Variants in CMTM4 observed in about 807,000 individuals in gnomAD.
CMTM4 encodes CKLF-like MARVEL transmembrane domain-containing protein 4.
In CMTM4, 8 loss-of-function variants were observed where a neutral mutation model predicts 19.0. That is an observed-to-expected ratio of 0.42 (90% CI 0.25 to 0.76). CMTM4 has a LOEUF of 0.76. Among genes scored for constraint, CMTM4 ranks in the 30% least tolerant of loss-of-function variants. The pLI, the probability that CMTM4 is intolerant of heterozygous loss-of-function variation, is 0.27. For synonymous variants in CMTM4, 106 were observed against 121.1 expected, an observed-to-expected ratio of 0.88 and a Z score of 0.82; for missense variants, 228 against 290.2, an observed-to-expected ratio of 0.79 and a Z score of 1.56.
chr16:66,645,046 G>A lies in CMTM4; in HGVS notation c.187-8465C>T, dbSNP rs138726250. Among the ~76,000 whole-genome samples, 962 of 152,308 alleles carry A rather than the reference G, an allele frequency of 6.3e-3. 6 individuals are homozygous for A. Among genetic ancestry groups the A allele is most frequent in the African/African-American group, 0.02 (841 of 41,558 alleles). On this transcript the variant is annotated intron_variant, in intron 1 of 3. Transcript: ENST00000394106. The stretch of plus-strand genomic sequence containing the variant: ...TGCCTGTAATCCCAGCACTTTGGGA[G>A]GCCAAGGTAGGCGGATCACCTGAGG...
chr16:66,687,138 C>CTTTTTTTTTTTTTTTTTTTT (rs35098269), intron 1 of CMTM4, among the ~76,000 whole-genome samples: 1 of 131,304 alleles, frequency 7.6e-6, no homozygotes, highest in Non-Finnish European at 1.6e-5. Context: ...GTGCAGAATG[C>CTTTTTTTTTTTTTTTTTTTT]TTTTTTTTTT....
At chr16:66,639,966 GGA>G (rs1331452418) in intron 1 of CMTM4, among the ~76,000 whole-genome samples, 4 of 152,088 alleles carry the variant, frequency 2.6e-5, no homozygotes, top group Non-Finnish European at 5.9e-5. Context: ...TGCAGTGAGT[GGA>G]GACTGTGCCA....
intron 1 of CMTM4, among the ~76,000 whole-genome samples, chr16:66,652,175 G>C (rs2016322598): frequency 6.6e-6 from 1 of 152,186 alleles, no homozygotes; most frequent in Admixed American, 6.5e-5. Context: ...AAGAAAAGGA[G>C]AAATGGGGTC....
chr16:66,627,862 C>T (rs1341912920), intron 2 of CMTM4, among the ~76,000 whole-genome samples: 7 of 152,142 alleles, frequency 4.6e-5, no homozygotes, highest in Admixed American at 3.9e-4. Flanking sequence ...ACTCAGCATA[C>T]CAAGGACCTG....
intron 1 of CMTM4, among the ~76,000 whole-genome samples, chr16:66,670,841 C>G (rs1055062073): frequency 1.3e-5 from 2 of 151,750 alleles, no homozygotes; most frequent in Admixed American, 6.6e-5. Context: ...TTTCAAAAAC[C>G]ACTCTGCATC....
chr16:66,690,511 C>T (rs1460849924), intron 1 of CMTM4, among the ~76,000 whole-genome samples: 2 of 152,146 alleles, frequency 1.3e-5, no homozygotes, highest in African/African-American at 4.8e-5. Flanking sequence ...TGTATTACTG[C>T]CCCACCCCTG....
chr16:66,617,740 G>A lies in CMTM4; in HGVS notation c.*4318C>T, dbSNP rs2015552916. The A allele has an allele frequency of 9.8e-7, 1 of 1,020,728 alleles. No homozygotes were observed. The highest frequency in any genetic ancestry group is 1.7e-5 in the African/African-American group (1 of 57,742). The allele number at this position is 1,020,728 out of a possible 1,614,324, so 63.2% of individuals were successfully genotyped here. A position where few individuals can be genotyped will look rare whatever the true frequency, so the allele number is the denominator to read the frequency against. On this transcript the variant is annotated 3_prime_UTR_variant, in exon 4 of 4. Transcript: ENST00000394106. ...CAAAGCTAAAAGCTGAGGGTGTCAG[G>A]CCTGCGTCCTGTCTGAGATGGCAGC...
intron 2 of CMTM4, among the ~76,000 whole-genome samples, chr16:66,630,975 C>A (rs1217455135): frequency 1.3e-5 from 2 of 151,798 alleles, no homozygotes; most frequent in Non-Finnish European, 2.9e-5. Flanking sequence ...TGAGGAGCGT[C>A]TCTGCCCAGC....
At chr16:66,645,493 C>T (rs1337690799) in intron 1 of CMTM4, among the ~76,000 whole-genome samples, 3 of 151,546 alleles carry the variant, frequency 2.0e-5, no homozygotes, top group East Asian at 3.9e-4. Flanking sequence ...CAGAGAACTG[C>T]TTGAACCCGG....
intron 2 of CMTM4, among the ~76,000 whole-genome samples, chr16:66,628,994 GT>G (rs2144794400): frequency 6.6e-6 from 1 of 152,126 alleles, no homozygotes; most frequent in South Asian, 2.1e-4. Context: ...TTATCTTCTA[GT>G]TTTTGGGGTT....
At position 66,633,145 on chromosome 16, in the gene CMTM4, A is replaced by C. The variant is rs1369029913; in HGVS notation, c.363+3260T>G. 2.1e-5 allele frequency among the ~76,000 whole-genome samples: 3 copies of C among 145,988 alleles called. No individual in the cohort carries two copies. In the East Asian group the frequency reaches 5.8e-4, roughly 28 times the overall value. On this transcript the variant is annotated intron_variant, in intron 2 of 3. Transcript: ENST00000394106. ...TATATATATATAAATATATATATAT[A>C]TCAAAGTCCCACAATCCATCCAAAA...
At chr16:66,625,337 G>C (rs897352978) in intron 2 of CMTM4, among the ~76,000 whole-genome samples, 4 of 151,874 alleles carry the variant, frequency 2.6e-5, no homozygotes, top group Non-Finnish European at 4.4e-5. Context: ...GGGAGGCTGA[G>C]GCAGGAGAAT....
At chr16:66,607,840 T>TA in the CMTM4 span, among the ~76,000 whole-genome samples, 3 of 151,730 alleles carry the variant, frequency 2.0e-5, no homozygotes, top group East Asian at 5.8e-4. Flanking sequence ...GCTGGGTTTT[T>TA]TTTTTTTGTA....
chr16:66,600,388 G>C, the CMTM4 span, among the ~76,000 whole-genome samples: 1 of 151,974 alleles, frequency 6.6e-6, no homozygotes, highest in African/African-American at 2.4e-5. Context: ...CAGGTGATTA[G>C]CCCACCTCAG....
In CMTM4 at chr16:66,621,083, A is replaced by G; in HGVS notation, c.*975T>C. 1.0e-6 allele frequency: 1 copy of G among 985,916 alleles called. No homozygotes were observed. Among genetic ancestry groups the G allele is most frequent in the Non-Finnish European group, 1.2e-6 (1 of 829,944 alleles). The allele number at this position is 985,916 out of a possible 1,614,324, so 61.1% of individuals were successfully genotyped here. A position where few individuals can be genotyped will look rare whatever the true frequency, so the allele number is the denominator to read the frequency against. ...TTTCAAATCCTAGACGAATCTGCTC[A>G]GAATCATTTTAGAACTCTTTGCAGG... On this transcript the variant is annotated 3_prime_UTR_variant, in exon 4 of 4. Transcript: ENST00000394106.
chr16:66,683,194 C>CATATATATATATATATACAT, intron 1 of CMTM4, among the ~76,000 whole-genome samples: 2 of 107,676 alleles, frequency 1.9e-5, no homozygotes, highest in Middle Eastern at 4.7e-3. Context: ...TATATATATA[C>CATATATATATATATATACAT]ATATATATAT....
At chr16:66,691,260 C>T (rs2017129576) in intron 1 of CMTM4, among the ~76,000 whole-genome samples, 1 of 152,066 alleles carries the variant, frequency 6.6e-6, no homozygotes, top group Non-Finnish European at 1.5e-5. Flanking sequence ...TCCCAGTTTG[C>T]GACCAACCTG....
At chr16:66,663,880 TTCTG>T (rs993687632) in intron 1 of CMTM4, among the ~76,000 whole-genome samples, 4 of 152,118 alleles carry the variant, frequency 2.6e-5, no homozygotes, top group African/African-American at 9.7e-5. Flanking sequence ...AGCTGAGACT[TTCTG>T]TCTTTCTATT....
chr16:66,641,601 C>T lies in CMTM4; in HGVS notation c.187-5020G>A, dbSNP rs192423418. On this transcript the variant is annotated intron_variant, in intron 1 of 3. Transcript: ENST00000394106. Reference sequence around the variant, plus strand: ...TCTGTGACATATAGATAGCAAGAAGCGGTGCCAGGATGTAATAGCCAAGAT... The same window carrying T: ...TCTGTGACATATAGATAGCAAGAAGTGGTGCCAGGATGTAATAGCCAAGAT... Among the ~76,000 whole-genome samples, 3 of 152,244 alleles carry T rather than the reference C, an allele frequency of 2.0e-5. No homozygotes were observed. In the East Asian group the frequency reaches 5.8e-4, roughly 29 times the overall value.
Sources: allele counts gnomAD v4.1 joint callset (sites outside exome capture counted in the v4.1 genomes callset), GRCh38; gene constraint gnomAD v4.1.1; transcripts MANE v1.5; gene names NCBI Gene and HGNC (gene_info 2026-07-23, HGNC 2026-07-21).